DNAJC18: variants seen among roughly 807,000 people sequenced by gnomAD.
DNAJC18 encodes the protein DnaJ heat shock protein family (Hsp40) member C18, also known as dnaJ homolog subfamily C member 18.
In DNAJC18, 40 loss-of-function variants were observed where a neutral mutation model predicts 48.6. That is an observed-to-expected ratio of 0.82 (90% confidence interval 0.64 to 1.07). The LOEUF is 1.07. Among genes scored for constraint, DNAJC18 ranks in the 50% least tolerant of loss-of-function variants. The pLI is 0.00. For missense variants in DNAJC18, 340 were observed against 427.7 expected (o/e 0.79, Z 1.81); for synonymous variants, 135 against 152.2 (o/e 0.89, Z 0.83).
intron 5 of DNAJC18, among the ~76,000 whole-genome samples, chr5:139,423,095 G>A (rs1307017364): frequency 6.6e-6 from 1 of 152,116 alleles, no homozygotes; most frequent in Non-Finnish European, 1.5e-5. Flanking sequence ...GCCTCCCAGA[G>A]TGCTGGGATT....
At chr5:139,429,699 AG>A (rs773516936) in intron 2 of DNAJC18, among the ~76,000 whole-genome samples, 1 of 152,130 alleles carries the variant, frequency 6.6e-6, no homozygotes, top group Non-Finnish European at 1.5e-5. Context: ...CTGAGGCAGG[AG>A]GACTGCTTGA....
chr5:139,414,144 C>T lies in DNAJC18; in HGVS notation c.*4G>A, dbSNP rs531443491. 39 of 1,612,510 alleles carry T rather than the reference C, an allele frequency of 2.4e-5. No individual in the cohort carries two copies. The Admixed American group carries it at 3.5e-4, about 15-fold the overall frequency. On this transcript the variant is annotated 3_prime_UTR_variant, in exon 8 of 8. Coordinates refer to ENST00000302060, the MANE Select transcript of DNAJC18 (RefSeq NM_152686.4). ...CCCCAGCCCTGCGTAGGACCATTAT[C>T]CTCTCAGCCACCTCTGCGTAGGCCA... is the stretch of plus-strand genomic sequence containing the variant.
At position 139,420,238 on chromosome 5, in the gene DNAJC18, G is replaced by C; in HGVS notation, c.780-13C>G. The C allele has an allele frequency of 1.9e-6, 3 of 1,598,628 alleles. No homozygotes were observed. The highest frequency in any genetic ancestry group is 2.6e-6 in the Non-Finnish European group (3 of 1,175,792). On this transcript the variant is annotated splice_polypyrimidine_tract_variant and intron_variant, in intron 6 of 7. Coordinates refer to ENST00000302060, the MANE Select transcript of DNAJC18 (RefSeq NM_152686.4). ...GTAGCCCAAGGTCCTGAAACAAGGA[G>C]AGAGAGGCTCATGTGAGCTCATAAT...
intron 5 of DNAJC18, among the ~76,000 whole-genome samples, chr5:139,424,413 G>A (rs1298165125): frequency 6.6e-6 from 1 of 152,090 alleles, no homozygotes; most frequent in Admixed American, 6.6e-5. Context: ...ATTTTGAAGA[G>A]GATTCCTATT....
chr5:139,419,962 C>A, intron 7 of DNAJC18, 91 bp downstream of exon 7: 1 of 1,312,880 alleles, frequency 7.6e-7, no homozygotes, highest in Non-Finnish European at 1.0e-6. Context: ...TGCGTAGCCT[C>A]AAACAAGAAG....
At chr5:139,421,675 C>T (rs1400411279) in intron 6 of DNAJC18, among the ~76,000 whole-genome samples, 1 of 151,036 alleles carries the variant, frequency 6.6e-6, no homozygotes, top group Non-Finnish European at 1.5e-5. Flanking sequence ...TGTGGTGGTG[C>T]GTGCCGCCTG....
rs1209282519 is a variant in DNAJC18 at position 139,420,189 on chromosome 5, G to A, written c.816C>T (p.Asn272=). 6.2e-7 allele frequency: 1 copy of A among 1,611,294 alleles called. No homozygotes were observed. Among genetic ancestry groups the A allele is most frequent in the Non-Finnish European group, 8.5e-7 (1 of 1,179,316 alleles). The part of the protein sequence containing the change: ...LGYTISRETQ[N]LQVPYFVDKN... ...TATCCACAAAGTAAGGCACCTGCAG[G>A]TTCTGAGTTTCTCTAGAAATGGTGT... is the stretch of plus-strand genomic sequence containing the variant. The change falls in exon 7 of 8, where the codon AAC becomes AAT. Residue 272 remains asparagine, a synonymous_variant. Coordinates refer to ENST00000302060, the MANE Select transcript of DNAJC18 (RefSeq NM_152686.4).
In DNAJC18 at chr5:139,418,565, T is replaced by G. The variant is rs1410912092; in HGVS notation, c.952+1488A>C. Among the ~76,000 whole-genome samples, 3 of 152,354 alleles carry G rather than the reference T, an allele frequency of 2.0e-5. No homozygotes were observed. The East Asian group carries it at 5.8e-4, about 29-fold the overall frequency. Reference sequence around the variant, plus strand: ...TTCCTGAATCCTCAGTGTTTTTCAATAAATTGGAATTTCCTCTTCCTGTTT... The same window carrying G: ...TTCCTGAATCCTCAGTGTTTTTCAAGAAATTGGAATTTCCTCTTCCTGTTT... On this transcript the variant is annotated intron_variant, in intron 7 of 7. Transcript: ENST00000302060.
At chr5:139,422,414 G>A (rs1436425063) in intron 6 of DNAJC18, among the ~76,000 whole-genome samples, 15 of 152,164 alleles carry the variant, frequency 9.9e-5, no homozygotes, top group Non-Finnish European at 8.8e-5. Flanking sequence ...GTGTGATAAT[G>A]AGTTCATCTA....
At chr5:139,425,374 G>A (rs1759220123) in intron 4 of DNAJC18, among the ~76,000 whole-genome samples, 2 of 152,186 alleles carry the variant, frequency 1.3e-5, no homozygotes, top group Admixed American at 1.3e-4. Flanking sequence ...ATGTTGGCCA[G>A]GCTGGTCTCG....
At chr5:139,419,690 A>G (rs1423957299) in intron 7 of DNAJC18, among the ~76,000 whole-genome samples, 3 of 152,190 alleles carry the variant, frequency 2.0e-5, no homozygotes, top group African/African-American at 7.2e-5. Context: ...GGTGGCAACC[A>G]CTGTAAACCA....
intron 7 of DNAJC18, among the ~76,000 whole-genome samples, chr5:139,417,377 A>G (rs1016796464): frequency 1.3e-5 from 2 of 152,122 alleles, no homozygotes; most frequent in African/African-American, 4.8e-5. Flanking sequence ...CAAGTGCTAA[A>G]TTTAACCTTG....
intron 4 of DNAJC18, among the ~76,000 whole-genome samples, 186 bp from the exon 5 acceptor site, chr5:139,425,300 A>C (rs1759218869): frequency 6.6e-6 from 1 of 151,998 alleles, no homozygotes; most frequent in African/African-American, 2.4e-5. Context: ...AGTAGCTGGG[A>C]TTACAGGCAC....
chr5:139,436,788 T>C (rs551729084), intron 2 of DNAJC18, among the ~76,000 whole-genome samples: 38 of 152,220 alleles, frequency 2.5e-4, no homozygotes, highest in African/African-American at 8.9e-4. Context: ...AAATAAGCAT[T>C]TAGAGCTATA....
Position 139,426,304 on chromosome 5 carries a change from C to T in DNAJC18, c.427G>A (p.Asp143Asn). The T allele has an allele frequency of 2.5e-6, 4 of 1,614,214 alleles. No homozygotes were observed. The highest frequency in any genetic ancestry group is 3.4e-6 in the Non-Finnish European group (4 of 1,180,036). Residue 143 changes from aspartate (D) to asparagine (N), a missense_variant, in exon 4 of 8, where the codon GAT (aspartate) becomes AAT (asparagine). Asp to Asn is a conservative substitution (Grantham distance 23). Coordinates refer to ENST00000302060, the MANE Select transcript of DNAJC18 (RefSeq NM_152686.4). The part of the protein sequence containing the change: ...LSNPDKRLRY[D>N]EYGDEQVTFT... ...GTCACCTGTTCATCTCCGTATTCAT[C>T]ATAGCGAAGTCTCTTATCAGGATTG...
chr5:139,434,399 C>T (rs1371623489), intron 2 of DNAJC18, among the ~76,000 whole-genome samples: 1 of 152,160 alleles, frequency 6.6e-6, no homozygotes. Flanking sequence ...TCATAGCTCA[C>T]CTCAGCCTCG....
At chr5:139,421,234 G>A (rs546004844) in intron 6 of DNAJC18, among the ~76,000 whole-genome samples, 1 of 151,532 alleles carries the variant, frequency 6.6e-6, no homozygotes, top group East Asian at 2.0e-4. Flanking sequence ...GAAAGGTGGA[G>A]GTCAGGCGTT....
chr5:139,421,534 G>C (rs1336582964), intron 6 of DNAJC18, among the ~76,000 whole-genome samples: 1 of 151,580 alleles, frequency 6.6e-6, no homozygotes, highest in Admixed American at 6.6e-5. Context: ...AGCCGGGCGC[G>C]ATGGCTCATG....
Position 139,425,129 on chromosome 5 carries a change from C to T in DNAJC18, c.560-15G>A. On this transcript the variant is annotated splice_polypyrimidine_tract_variant and intron_variant, in intron 4 of 7. Coordinates refer to ENST00000302060, the MANE Select transcript of DNAJC18 (RefSeq NM_152686.4). ...ATGAATATTTCCTGGAAAAGAAATA[C>T]ATGGTATGGGATATGGCAAACACTC... The T allele has an allele frequency of 6.3e-6, 10 of 1,595,964 alleles. No individual in the cohort carries two copies. The highest frequency in any genetic ancestry group is 7.7e-6 in the Non-Finnish European group (9 of 1,164,956).
Sources: gnomAD v4.1 joint callset for allele counts (sites outside exome capture counted in the v4.1 genomes callset) on GRCh38, gnomAD v4.1.1 for gene constraint, MANE v1.5 for transcripts, NCBI Gene and HGNC (gene_info 2026-07-23, HGNC 2026-07-21) for gene names.